Variants in TBC1D4 observed in about 807,000 individuals in gnomAD.
TBC1D4 encodes TBC (Tre-2, BUB2, CDC16) domain-containing protein.
Under a neutral mutation model 142.5 loss-of-function variants are expected in TBC1D4, and 121 were observed. That is an observed-to-expected ratio of 0.85 (90% confidence interval 0.73 to 0.99). TBC1D4 has a LOEUF of 0.99. TBC1D4 is among the 50% of genes least tolerant of loss of function. TBC1D4 has a pLI of 0.00. For synonymous variants in TBC1D4, 630 were observed against 628.2 expected (o/e 1.00, Z -0.04); for missense variants, 1,475 against 1,606.6 (o/e 0.92, Z 1.40).
chr13:75,453,577 C>A (rs1438118792), intron 1 of TBC1D4, among the ~76,000 whole-genome samples: 1 of 152,064 alleles, frequency 6.6e-6, no homozygotes, highest in Non-Finnish European at 1.5e-5. Flanking sequence ...TAAAAAGATT[C>A]TTGGCTGGGC....
chr13:75,428,610 C>T (rs916373820), intron 1 of TBC1D4, among the ~76,000 whole-genome samples: 2 of 152,158 alleles, frequency 1.3e-5, no homozygotes, highest in African/African-American at 4.8e-5. Context: ...TGACTGAACA[C>T]AACAGAAATA....
At chr13:75,321,834 A>G (rs938030008) in intron 11 of TBC1D4, among the ~76,000 whole-genome samples, 2 of 152,244 alleles carry the variant, frequency 1.3e-5, no homozygotes, top group Non-Finnish European at 2.9e-5. Flanking sequence ...GAGATATATT[A>G]AATGGAATAC....
At chr13:75,370,485 G>A (rs1441345368) in intron 1 of TBC1D4, among the ~76,000 whole-genome samples, 2 of 152,200 alleles carry the variant, frequency 1.3e-5, no homozygotes, top group African/African-American at 4.8e-5. Flanking sequence ...AGAAGCGACA[G>A]CAAGGGAGGT....
chr13:75,356,152 AT>A lies in TBC1D4; in HGVS notation c.1269del (p.Glu423AspfsTer7). On this transcript the variant is annotated frameshift_variant, in exon 4 of 21. Transcript: ENST00000377636. LOFTEE classifies it high-confidence loss of function. The part of the protein sequence containing the change: ...YICYVFQCAS[E>X]SLVDEVMLTL... ...ACAGCAATAACACTACTTACCAGAG[AT>A]TCGCTGGCACACTGGAATACATAAC... is the stretch of plus-strand genomic sequence containing the variant. 8.7e-6 allele frequency: 14 copies of A among 1,612,720 alleles called. No homozygotes were observed. The highest frequency in any genetic ancestry group is 1.0e-5 in the Non-Finnish European group (12 of 1,179,016).
intron 5 of TBC1D4, among the ~76,000 whole-genome samples, chr13:75,346,510 G>T (rs962346775): frequency 5.3e-5 from 8 of 152,194 alleles, no homozygotes; most frequent in African/African-American, 1.9e-4. Flanking sequence ...GCATTCCACG[G>T]TGTATATGTG....
intron 1 of TBC1D4, among the ~76,000 whole-genome samples, chr13:75,440,556 T>C (rs1566492030): frequency 6.6e-6 from 1 of 151,240 alleles, no homozygotes; most frequent in Non-Finnish European, 1.5e-5. Flanking sequence ...TTACTATTTT[T>C]TAAAAAAAAA....
chr13:75,370,088 G>A (rs1279325874), intron 1 of TBC1D4, among the ~76,000 whole-genome samples: 1 of 152,168 alleles, frequency 6.6e-6, no homozygotes, highest in Non-Finnish European at 1.5e-5. Context: ...AAGTCAGCAA[G>A]GTCATGAGCA....
chr13:75,298,610 AG>A (rs1876193542), intron 17 of TBC1D4, among the ~76,000 whole-genome samples: 1 of 152,132 alleles, frequency 6.6e-6, no homozygotes, highest in Non-Finnish European at 1.5e-5. Context: ...AAAATTAGCC[AG>A]GCATGGTGGC....
intron 5 of TBC1D4, 110 bp downstream of exon 5, chr13:75,349,060 G>T: frequency 6.1e-6 from 9 of 1,481,650 alleles, no homozygotes; most frequent in Admixed American, 1.8e-5. Context: ...TGATTCTTTG[G>T]GTTCTTGTTT....
At chr13:75,346,982 T>G (rs1274837109) in intron 5 of TBC1D4, among the ~76,000 whole-genome samples, 2 of 152,210 alleles carry the variant, frequency 1.3e-5, no homozygotes, top group Non-Finnish European at 2.9e-5. Context: ...AATTTTCCAT[T>G]ATTTACAAGT....
chr13:75,455,999 CT>C lies in TBC1D4; in HGVS notation c.498+25270del, dbSNP rs946468661. 3.3e-3 allele frequency among the ~76,000 whole-genome samples: 482 copies of C among 146,144 alleles called. 1 individual carries two copies. Among genetic ancestry groups the C allele is most frequent in the African/African-American group, 6.5e-3 (261 of 40,114 alleles). ...AATATTAATCTGCTACTCATATAGG[CT>C]TTTTTTTTTTCCTGGGGACAGGGTC... On this transcript the variant is annotated intron_variant, in intron 1 of 20. Transcript: ENST00000377636.
chr13:75,329,765 T>C (rs1879592139), intron 8 of TBC1D4, among the ~76,000 whole-genome samples: 1 of 152,228 alleles, frequency 6.6e-6, no homozygotes, highest in Non-Finnish European at 1.5e-5. Context: ...TGTATTTCAC[T>C]AATAGTTCGG....
chr13:75,375,822 G>A (rs926977070), intron 1 of TBC1D4: 1 of 133,560 alleles, frequency 7.5e-6, no homozygotes, highest in Non-Finnish European at 1.5e-5. Context: ...GGTTTCTTAA[G>A]CAAGCTGCCA....
At chr13:75,452,757 G>A (rs905596206) in intron 1 of TBC1D4, among the ~76,000 whole-genome samples, 2 of 152,180 alleles carry the variant, frequency 1.3e-5, no homozygotes, top group African/African-American at 4.8e-5. Flanking sequence ...GTGATACGGA[G>A]GAGTGAAGTA....
rs190776796 is a variant in TBC1D4, at chr13:75,335,783, A to G, written c.1731+1138T>C. ...TTCCACCATGATTGGAAGCTTCCTG[A>G]GGTCTCTCCAGAAGCAGAAGCCACT... On this transcript the variant is annotated intron_variant, in intron 8 of 20. Coordinates refer to ENST00000377636, the MANE Select transcript of TBC1D4 (RefSeq NM_014832.5). Among the ~76,000 whole-genome samples, 22 of 152,236 alleles carry G rather than the reference A, an allele frequency of 1.4e-4. No individual in the cohort carries two copies. The East Asian group carries it at 4.1e-3, about 28-fold the overall frequency.
At chr13:75,471,331 A>C (rs555099388) in intron 1 of TBC1D4, among the ~76,000 whole-genome samples, 2 of 152,248 alleles carry the variant, frequency 1.3e-5, no homozygotes, top group Non-Finnish European at 2.9e-5. Context: ...TATTAACAGA[A>C]TAATGTGACC....
intron 4 of TBC1D4, among the ~76,000 whole-genome samples, chr13:75,352,899 T>C (rs1017098466): frequency 2.0e-5 from 3 of 152,232 alleles, no homozygotes; most frequent in Non-Finnish European, 4.4e-5. Flanking sequence ...TTTAATTGAC[T>C]GTTTTGTTTT....
chr13:75,338,848 T>G (rs1319233877), intron 7 of TBC1D4, among the ~76,000 whole-genome samples: 1 of 152,236 alleles, frequency 6.6e-6, no homozygotes, highest in Non-Finnish European at 1.5e-5. Context: ...CGGCTCTGTT[T>G]CATCAAATTT....
intron 1 of TBC1D4, among the ~76,000 whole-genome samples, chr13:75,470,829 A>C (rs1888366955): frequency 1.3e-5 from 2 of 152,074 alleles, no homozygotes; most frequent in African/African-American, 4.8e-5. Flanking sequence ...CTACCAAAAA[A>C]TACATAAACT....
Sources: allele counts gnomAD v4.1 joint callset (sites outside exome capture counted in the v4.1 genomes callset), GRCh38; gene constraint gnomAD v4.1.1; transcripts MANE v1.5; gene names NCBI Gene and HGNC (gene_info 2026-07-23, HGNC 2026-07-21).